Variants in TPRG1 observed in about 807,000 individuals in gnomAD.
TPRG1 encodes the protein tumor protein p63 regulated 1.
TPRG1 carries 29 observed loss-of-function variants against 29.3 expected under a neutral mutation model. The ratio of observed to expected loss-of-function variants is 0.99; its 90% confidence interval spans 0.74 to 1.35. TPRG1 has a LOEUF of 1.35. Among genes scored for constraint, TPRG1 ranks in the 40% most tolerant of loss-of-function variants. TPRG1 has a pLI of 0.00. For synonymous variants in TPRG1, 130 were observed against 116.8 expected (o/e 1.11, Z -0.73); for missense variants, 327 against 335.0 (o/e 0.98, Z 0.19).
intron 4 of TPRG1, among the ~76,000 whole-genome samples, chr3:189,063,820 G>T (rs970063108): frequency 6.6e-6 from 1 of 152,210 alleles, no homozygotes; most frequent in South Asian, 2.1e-4. Context: ...GTGTTTTGGA[G>T]GTCCCCAAGA....
chr3:189,210,519 T>C (rs1735101757), intron 2 of TPRG1, among the ~76,000 whole-genome samples: 1 of 152,152 alleles, frequency 6.6e-6, no homozygotes. Flanking sequence ...AGAGTCATGA[T>C]AAAATATGAC....
chr3:189,276,849 C>T (rs1326077005), intron 4 of TPRG1, among the ~76,000 whole-genome samples: 1 of 151,908 alleles, frequency 6.6e-6, no homozygotes, highest in Non-Finnish European at 1.5e-5. Context: ...CAGGGTTTTT[C>T]GAAACACCTA....
At chr3:189,283,083 C>G (rs890698638) in intron 4 of TPRG1, among the ~76,000 whole-genome samples, 5 of 152,100 alleles carry the variant, frequency 3.3e-5, no homozygotes, top group Non-Finnish European at 5.9e-5. Context: ...TTAAATCAAC[C>G]CACTCTCAAG....
chr3:189,303,441 C>T (rs890126584), intron 4 of TPRG1, among the ~76,000 whole-genome samples: 5 of 152,226 alleles, frequency 3.3e-5, no homozygotes, highest in African/African-American at 7.2e-5. Context: ...CAATCCAGTG[C>T]CTTCTTTATT....
At chr3:189,147,357 G>C (rs1725400379) in intron 3 of TPRG1, among the ~76,000 whole-genome samples, 1 of 152,182 alleles carries the variant, frequency 6.6e-6, no homozygotes, top group Non-Finnish European at 1.5e-5. Context: ...AGAGGACCTG[G>C]AGCATTGTGG....
chr3:189,187,055 C>T (rs1442623735), intron 1 of TPRG1, among the ~76,000 whole-genome samples: 21 of 118,434 alleles, frequency 1.8e-4, no homozygotes, highest in East Asian at 8.8e-4. Flanking sequence ...GGCACCATTT[C>T]GGCTCACTGC....
At chr3:189,203,698 A>G (rs1733848243) in intron 1 of TPRG1, among the ~76,000 whole-genome samples, 1 of 152,138 alleles carries the variant, frequency 6.6e-6, no homozygotes, top group Non-Finnish European at 1.5e-5. Flanking sequence ...TGCTTCTTTC[A>G]GGTAGTTTTT....
chr3:189,183,670 A>G (rs913580327), intron 1 of TPRG1, among the ~76,000 whole-genome samples: 5 of 151,946 alleles, frequency 3.3e-5, no homozygotes, highest in African/African-American at 9.7e-5. Flanking sequence ...TATTCCTCCC[A>G]TTTGCTTTGG....
At chr3:189,194,658 G>A (rs1448417691) in intron 1 of TPRG1, among the ~76,000 whole-genome samples, 1 of 152,132 alleles carries the variant, frequency 6.6e-6, no homozygotes, top group Non-Finnish European at 1.5e-5. Context: ...TAGAGGTTTG[G>A]ACCTGCAGAG....
intron 4 of TPRG1, among the ~76,000 whole-genome samples, chr3:189,058,578 G>A (rs918261149): frequency 6.6e-6 from 1 of 152,224 alleles, no homozygotes; most frequent in Non-Finnish European, 1.5e-5. Context: ...TCAAGGCGCT[G>A]TTAGAATTAA....
chr3:189,208,663 T>A (rs1019179241), intron 2 of TPRG1, among the ~76,000 whole-genome samples: 2 of 152,186 alleles, frequency 1.3e-5, no homozygotes, highest in Non-Finnish European at 2.9e-5. Flanking sequence ...TATATGTGTG[T>A]TTGTGTGAGT....
At chr3:189,119,903 C>T (rs989418989) in intron 1 of TPRG1, among the ~76,000 whole-genome samples, 5 of 152,140 alleles carry the variant, frequency 3.3e-5, no homozygotes, top group Non-Finnish European at 7.4e-5. Flanking sequence ...TCCACCGGAG[C>T]GCCTCTGGCT....
chr3:189,145,712 A>T (rs1275007123), intron 3 of TPRG1, among the ~76,000 whole-genome samples: 1 of 152,244 alleles, frequency 6.6e-6, no homozygotes, highest in African/African-American at 2.4e-5. Flanking sequence ...AAAATGATCT[A>T]GAACTTCTAG....
In TPRG1 at chr3:189,271,541, A is replaced by G. The variant is rs565232784; in HGVS notation, c.479+32632A>G. Reference sequence around the variant, plus strand: ...TAAATGTGCCATAGCAGAAAATAGAAAAGAAAGTAATCTAGATATTTTGGG... The same window carrying G: ...TAAATGTGCCATAGCAGAAAATAGAGAAGAAAGTAATCTAGATATTTTGGG... On this transcript the variant is annotated intron_variant, in intron 4 of 5. Coordinates refer to ENST00000345063, the MANE Select transcript of TPRG1 (RefSeq NM_198485.4). Among the ~76,000 whole-genome samples the G allele has an allele frequency of 3.6e-4, 55 of 152,358 alleles. No homozygotes were observed. In the South Asian group the frequency reaches 0.011, roughly 31 times the overall value.
At chr3:189,238,968 A>G in intron 4 of TPRG1, 59 bp downstream of exon 4, 3 of 1,455,578 alleles carry the variant, frequency 2.1e-6, no homozygotes, top group Non-Finnish European at 1.8e-6. Flanking sequence ...TGCAGGGAAA[A>G]CAAGCCGAAA....
chr3:189,252,698 C>T (rs1742481369), intron 4 of TPRG1, among the ~76,000 whole-genome samples: 1 of 152,130 alleles, frequency 6.6e-6, no homozygotes, highest in African/African-American at 2.4e-5. Context: ...AATTTTCAAT[C>T]TATAAAATGT....
chr3:189,117,991 A>G (rs1241856869), intron 1 of TPRG1, among the ~76,000 whole-genome samples: 1 of 152,200 alleles, frequency 6.6e-6, no homozygotes, highest in African/African-American at 2.4e-5. Context: ...CAGAGATTGG[A>G]ACAGTTTGGA....
chr3:189,260,027 A>G (rs371725883), intron 4 of TPRG1, among the ~76,000 whole-genome samples: 133 of 152,298 alleles, frequency 8.7e-4, no homozygotes, highest in African/African-American at 3.0e-3. Context: ...TAGAATATAG[A>G]CAGTTTAAGG....
chr3:189,165,082 T>A (rs1247995520), intron 5 of TPRG1, among the ~76,000 whole-genome samples: 1 of 152,180 alleles, frequency 6.6e-6, no homozygotes, highest in Admixed American at 6.5e-5. Context: ...CTTTCATGTG[T>A]AGTAAGTCAG....
Sources: gnomAD v4.1 joint callset for allele counts (sites outside exome capture counted in the v4.1 genomes callset) on GRCh38, gnomAD v4.1.1 for gene constraint, MANE v1.5 for transcripts, NCBI Gene and HGNC (gene_info 2026-07-23, HGNC 2026-07-21) for gene names.